Variants in AFAP1L1 observed in about 807,000 individuals in gnomAD.
AFAP1L1 encodes the protein actin filament-associated protein 1-like 1.
Under a neutral mutation model 99.8 loss-of-function variants are expected in AFAP1L1, and 77 were observed. That is an observed-to-expected ratio of 0.77 (90% confidence interval 0.64 to 0.93). The LOEUF (loss-of-function observed/expected upper bound fraction) is 0.93. Among genes scored for constraint, AFAP1L1 ranks in the 40% least tolerant of loss-of-function variants. The pLI is 0.00. For missense variants in AFAP1L1, 893 were observed against 996.8 expected (o/e 0.90, Z 1.40); for synonymous variants, 373 against 395.3 (o/e 0.94, Z 0.67).
At chr5:149,281,483 A>G (rs1305666527) in intron 1 of AFAP1L1, among the ~76,000 whole-genome samples, 1 of 152,024 alleles carries the variant, frequency 6.6e-6, no homozygotes, top group Non-Finnish European at 1.5e-5. Context: ...TTTTCACCAC[A>G]CTTGTTGAAA....
Position 149,315,788 on chromosome 5 carries a change from C to T in AFAP1L1, c.1021-33C>T, listed in dbSNP as rs371373897. On this transcript the variant is annotated intron_variant, in intron 9 of 18. Coordinates refer to ENST00000296721, the MANE Select transcript of AFAP1L1 (RefSeq NM_152406.4). The stretch of plus-strand genomic sequence containing the variant: ...AAATTTGGGTACTTCTGAATGTGCC[C>T]TCTGATGAGGGACTGCCTGTGTCCC... 2.5e-4 allele frequency: 397 copies of T among 1,600,640 alleles called. 3 individuals carry two copies. The South Asian group carries it at 4.2e-3, about 17-fold the overall frequency.
chr5:149,300,151 G>T, intron 2 of AFAP1L1, 120 bp from the exon 3 acceptor site: 2 of 626,474 alleles, frequency 3.2e-6, no homozygotes, highest in Non-Finnish European at 5.5e-6. Flanking sequence ...AATAATTTAG[G>T]ACTTGAATGC....
intron 1 of AFAP1L1, among the ~76,000 whole-genome samples, chr5:149,292,733 A>G (rs569979933): frequency 6.6e-6 from 1 of 152,188 alleles, no homozygotes; most frequent in Admixed American, 6.5e-5. Flanking sequence ...ACCAAGCAAG[A>G]TAGATGGAAT....
rs748148926 is a variant in AFAP1L1 at position 149,340,000 on chromosome 5, G to A, written c.2284-7G>A. Reference sequence around the variant, plus strand: ...AAATTGATTTGTCTTCTCTTTCTGTGCTTCAGGAATGGGAAATGAAGAAGA... The same window carrying A: ...AAATTGATTTGTCTTCTCTTTCTGTACTTCAGGAATGGGAAATGAAGAAGA... On this transcript the variant is annotated splice_region_variant and splice_polypyrimidine_tract_variant and intron_variant, in intron 18 of 18. Coordinates refer to ENST00000296721, the MANE Select transcript of AFAP1L1 (RefSeq NM_152406.4). 12 of 1,613,786 alleles carry A rather than the reference G, an allele frequency of 7.4e-6. No homozygotes were observed. In the Admixed American group the frequency reaches 8.3e-5, roughly 11 times the overall value.
At chr5:149,284,568 G>C (rs983789173) in intron 1 of AFAP1L1, among the ~76,000 whole-genome samples, 1 of 152,240 alleles carries the variant, frequency 6.6e-6, no homozygotes, top group Non-Finnish European at 1.5e-5. Context: ...AGTTATCTCT[G>C]ACACTTTCAC....
chr5:149,274,339 T>G (rs1755241370), intron 1 of AFAP1L1, among the ~76,000 whole-genome samples: 2 of 152,210 alleles, frequency 1.3e-5, no homozygotes, highest in Admixed American at 6.5e-5. Flanking sequence ...CTTAGTAGTA[T>G]TCTCTTTTTA....
At chr5:149,328,358 A>G (rs1227172100) in intron 15 of AFAP1L1, among the ~76,000 whole-genome samples, 3 of 152,220 alleles carry the variant, frequency 2.0e-5, no homozygotes, top group Non-Finnish European at 4.4e-5. Context: ...AGGTTGAACT[A>G]TGGCCTTGGC....
rs1263393858 is a variant in AFAP1L1, at chr5:149,289,492, C to T, written c.17-10017C>T. Among the ~76,000 whole-genome samples, 7 of 151,942 alleles carry T rather than the reference C, an allele frequency of 4.6e-5. No homozygotes were observed. The East Asian group carries it at 1.2e-3, about 25-fold the overall frequency. ...GCGCCTTTGTCATTCTTTTCCAGCCCGCATGTACAGTGGGCTTCCCTATCC... is the reference window on the plus strand; with the variant it reads ...GCGCCTTTGTCATTCTTTTCCAGCCTGCATGTACAGTGGGCTTCCCTATCC... On this transcript the variant is annotated intron_variant, in intron 1 of 18. Coordinates refer to ENST00000296721, the MANE Select transcript of AFAP1L1 (RefSeq NM_152406.4).
At chr5:149,294,703 G>T (rs1400322966) in intron 1 of AFAP1L1, among the ~76,000 whole-genome samples, 1 of 152,288 alleles carries the variant, frequency 6.6e-6, no homozygotes, top group Admixed American at 6.5e-5. Context: ...CACGGTGAGG[G>T]TTTCCACCCA....
intron 16 of AFAP1L1, among the ~76,000 whole-genome samples, chr5:149,332,353 C>T (rs1757279457): frequency 6.6e-6 from 1 of 152,038 alleles, no homozygotes; most frequent in Non-Finnish European, 1.5e-5. Flanking sequence ...GCTGAGATCA[C>T]CCACTGCACT....
intron 17 of AFAP1L1, 119 bp downstream of exon 17, chr5:149,332,992 A>C: frequency 1.5e-6 from 2 of 1,340,472 alleles, no homozygotes; most frequent in South Asian, 3.4e-5. Flanking sequence ...CAGACAAGAA[A>C]ACTGAAGTCC....
intron 1 of AFAP1L1, among the ~76,000 whole-genome samples, chr5:149,294,954 C>T (rs368190264): frequency 2.0e-5 from 3 of 152,232 alleles, no homozygotes; most frequent in South Asian, 4.1e-4. Context: ...AGTAACTTCA[C>T]TTCTCTGAGC....
intron 2 of AFAP1L1, 40 bp from the exon 3 acceptor site, chr5:149,300,231 T>C (rs774759706): frequency 6.6e-7 from 1 of 1,519,990 alleles, no homozygotes; most frequent in African/African-American, 1.4e-5. Flanking sequence ...ACCTGGTCCC[T>C]CCTCCTTCAC....
intron 1 of AFAP1L1, among the ~76,000 whole-genome samples, chr5:149,295,590 AAGAG>A (rs1271898432): frequency 4.6e-5 from 7 of 151,356 alleles, no homozygotes; most frequent in East Asian, 2.0e-4. Context: ...AAAAAAGAAA[AAGAG>A]GGAGGGAGAA....
chr5:149,310,634 A>G lies in AFAP1L1; in HGVS notation c.927+499A>G, dbSNP rs113706927. On this transcript the variant is annotated intron_variant, in intron 8 of 18. Coordinates refer to ENST00000296721, the MANE Select transcript of AFAP1L1 (RefSeq NM_152406.4). Reference sequence around the variant, plus strand: ...CCATGCATTGTGCCAAGAGCTTTACATACGTGACCTCATTTCTGCTTGAAA... The same window carrying G: ...CCATGCATTGTGCCAAGAGCTTTACGTACGTGACCTCATTTCTGCTTGAAA... Among the ~76,000 whole-genome samples the G allele has an allele frequency of 0.011, 1,731 of 152,344 alleles. 61 individuals carry two copies. In the East Asian group the frequency reaches 0.13, roughly 12 times the overall value.
At chr5:149,272,022 C>G (rs1032853449) in intron 1 of AFAP1L1, 38 bp downstream of exon 1, 2 of 1,209,482 alleles carry the variant, frequency 1.7e-6, no homozygotes, top group Non-Finnish European at 2.1e-6. Flanking sequence ...GTTGCGGCGC[C>G]GGGCGGGAAA....
At chr5:149,304,476 A>G (rs571181459) in intron 5 of AFAP1L1, among the ~76,000 whole-genome samples, 14 of 152,334 alleles carry the variant, frequency 9.2e-5, no homozygotes, top group South Asian at 2.1e-4. Context: ...TATTGGCTAT[A>G]TGGGGTTCCT....
Position 149,301,108 on chromosome 5 carries a change from T to G in AFAP1L1, c.230-25T>G, listed in dbSNP as rs761996250. 5.4e-5 allele frequency: 87 copies of G among 1,610,138 alleles called. No homozygotes were observed. Among genetic ancestry groups the G allele is most frequent in the Non-Finnish European group, 6.8e-6 (8 of 1,176,912 alleles). On this transcript the variant is annotated intron_variant, in intron 3 of 18. Coordinates refer to ENST00000296721, the MANE Select transcript of AFAP1L1 (RefSeq NM_152406.4). The stretch of plus-strand genomic sequence containing the variant: ...TGTGCTGCTCATCCTTGGCTTTCTT[T>G]GCCCAATGGCCTGTCCCTCTGTAGA...
chr5:149,282,687 G>A (rs1386285370), intron 1 of AFAP1L1, among the ~76,000 whole-genome samples: 1 of 152,158 alleles, frequency 6.6e-6, no homozygotes, highest in Non-Finnish European at 1.5e-5. Flanking sequence ...GGCCAACAAA[G>A]CCTAAAATAT....
Sources: allele counts gnomAD v4.1 joint callset (sites outside exome capture counted in the v4.1 genomes callset), GRCh38; gene constraint gnomAD v4.1.1; transcripts MANE v1.5; gene names NCBI Gene and HGNC (gene_info 2026-07-23, HGNC 2026-07-21).